Variants in BCL10 observed in about 807,000 individuals in gnomAD.
BCL10 encodes BCL10 immune signaling adaptor, also known as B-cell lymphoma/leukemia 10.
Under a neutral mutation model 19.2 loss-of-function variants are expected in BCL10, and 5 were observed. That is an observed-to-expected ratio of 0.26 (90% CI 0.14 to 0.55). The LOEUF is 0.55. Ranked by LOEUF, BCL10 falls within the 20% of genes least tolerant of loss-of-function variation. The pLI, the probability that BCL10 is intolerant of heterozygous loss-of-function variation, is 0.94. For synonymous variants in BCL10, 110 were observed against 98.8 expected (o/e 1.11, Z -0.67); for missense variants, 201 against 271.9 (o/e 0.74, Z 1.83).
rs1177822426 is a variant in BCL10, at chr1:85,276,557, C to T, written c.-205G>A. 2 of 606,692 alleles carry T rather than the reference C, an allele frequency of 3.3e-6. No homozygotes were observed. The highest frequency in any genetic ancestry group is 5.8e-6 in the Non-Finnish European group (2 of 343,910). 37.6% of individuals were successfully genotyped at this position (606,692 alleles called of 1,614,324 possible). On this transcript the variant is annotated 5_prime_UTR_variant, in exon 1 of 3. Coordinates refer to ENST00000648566, the MANE Select transcript of BCL10 (RefSeq NM_003921.5). ...CCGGCCCCGCCTCTGAGGTCGACGG[C>T]GACGCGAATCTACGCGACGCGACGC...
rs2100743931 is a variant in BCL10 at position 85,267,973 on chromosome 1, C to T, written c.356G>A (p.Cys119Tyr). ...ATCTGGAAAAGGTTCACAACTGCTA[C>T]ATTTTAGTCCTACAATAAAATTATT... is the stretch of plus-strand genomic sequence containing the variant. ...IKLEHLKGLK[C>Y]SSCEPFPDGA... is the part of the protein sequence containing the mutation. The change falls in exon 3 of 3, where the codon TGT (cysteine) becomes TAT (tyrosine). Residue 119 changes from cysteine (C) to tyrosine (Y), a missense_variant. Physicochemically the swap from Cys to Tyr is radical, Grantham distance 194. Transcript: ENST00000648566. 1 of 1,537,670 alleles carries T rather than the reference C, an allele frequency of 6.5e-7. No homozygotes were observed. Among genetic ancestry groups the T allele is most frequent in the South Asian group, 1.2e-5 (1 of 80,536 alleles).
intron 1 of BCL10, among the ~76,000 whole-genome samples, chr1:85,275,990 C>G (rs1660514810): frequency 6.6e-6 from 1 of 152,248 alleles, no homozygotes; most frequent in African/African-American, 2.4e-5. Context: ...GAAGCATCTC[C>G]AAGAACCCAG....
chr1:85,270,997 G>A, intron 1 of BCL10, 91 bp from the exon 2 acceptor site: 4 of 1,315,114 alleles, frequency 3.0e-6, no homozygotes, highest in Non-Finnish European at 4.2e-6. Flanking sequence ...GCTGGTGTGA[G>A]ACAATGTTCT....
In BCL10 at chr1:85,266,109, C is replaced by T. The variant is rs577075154; in HGVS notation, c.*1518G>A. The T allele has an allele frequency of 8.6e-5, 16 of 186,382 alleles. No homozygotes were observed. The South Asian group carries it at 2.4e-3, about 27-fold the overall frequency. 11.5% of individuals were successfully genotyped at this position (186,382 alleles called of 1,614,324 possible). A position where few individuals can be genotyped will look rare whatever the true frequency, so the allele number is the denominator to read the frequency against. On this transcript the variant is annotated 3_prime_UTR_variant, in exon 3 of 3. Transcript: ENST00000648566. ...GCTAATATGCCAATCTTCTTCATGT[C>T]GGATAAATTCATCAGTCCATCCAGA...
In BCL10 at chr1:85,276,283, C is replaced by T. The variant is rs199588735; in HGVS notation, c.57+13G>A. 34 of 1,612,700 alleles carry T rather than the reference C, an allele frequency of 2.1e-5. No individual in the cohort carries two copies. In the African/African-American group the frequency reaches 2.8e-4, roughly 13 times the overall value. ...CCGCCCCCGCCCGCCCTGGGCACAGCTGCGTTACTCACGTCCTTCTTCACT... is the reference window on the plus strand; with the variant it reads ...CCGCCCCCGCCCGCCCTGGGCACAGTTGCGTTACTCACGTCCTTCTTCACT... On this transcript the variant is annotated intron_variant, in intron 1 of 2. Transcript: ENST00000648566.
At chr1:85,268,016 GTAAC>G (rs1660252946) in intron 2 of BCL10, 34 bp from the exon 3 acceptor site, 5 of 1,396,934 alleles carry the variant, frequency 3.6e-6, no homozygotes, top group Non-Finnish European at 4.8e-6. Flanking sequence ...AAATGAAAAA[GTAAC>G]TAAAAAAATG....
chr1:85,266,368 C>G lies in BCL10; in HGVS notation c.*1259G>C, dbSNP rs1046841714. ...GATAAAATTGTAATTTAAATAAAAA[C>G]AAACAGTGAGAGCATAAGATTTATA... On this transcript the variant is annotated 3_prime_UTR_variant, in exon 3 of 3. Coordinates refer to ENST00000648566, the MANE Select transcript of BCL10 (RefSeq NM_003921.5). The G allele has an allele frequency of 2.7e-5, 5 of 186,650 alleles. No homozygotes were observed. Among genetic ancestry groups the G allele is most frequent in the Non-Finnish European group, 4.5e-5 (4 of 88,372 alleles). 11.6% of individuals were successfully genotyped at this position (186,650 alleles called of 1,614,324 possible). A position where few individuals can be genotyped will look rare whatever the true frequency, so the allele number is the denominator to read the frequency against.
At position 85,266,358 on chromosome 1, in the gene BCL10, T is replaced by C. The variant is rs149343651; in HGVS notation, c.*1269A>G. The C allele has an allele frequency of 2.3e-4, 43 of 186,248 alleles. No homozygotes were observed. In the East Asian group the frequency reaches 3.7e-3, roughly 16 times the overall value. 11.5% of individuals were successfully genotyped at this position (186,248 alleles called of 1,614,324 possible). ...TCAGGAAACAGATAAAATTGTAATT[T>C]AAATAAAAACAAACAGTGAGAGCAT... On this transcript the variant is annotated 3_prime_UTR_variant, in exon 3 of 3. Transcript: ENST00000648566.
intron 2 of BCL10, among the ~76,000 whole-genome samples, chr1:85,269,336 T>C (rs1265363269): frequency 2.0e-5 from 3 of 152,248 alleles, no homozygotes; most frequent in African/African-American, 4.8e-5. Context: ...TAGTTAACCA[T>C]TATCCAGAGG....
Position 85,276,609 on chromosome 1 carries a change from C to G in BCL10, c.-257G>C. Reference sequence around the variant, plus strand: ...GAGCTCGGAGCAGCGTTCCTTCCCTCTCGTAGAGGCTCAGGCGCAGGCACC... The same window carrying G: ...GAGCTCGGAGCAGCGTTCCTTCCCTGTCGTAGAGGCTCAGGCGCAGGCACC... On this transcript the variant is annotated 5_prime_UTR_variant, in exon 1 of 3. Coordinates refer to ENST00000648566, the MANE Select transcript of BCL10 (RefSeq NM_003921.5). 5 of 569,844 alleles carry G rather than the reference C, an allele frequency of 8.8e-6. No individual in the cohort carries two copies. Among genetic ancestry groups the G allele is most frequent in the Non-Finnish European group, 1.3e-5 (4 of 318,446 alleles). 35.3% of individuals were successfully genotyped at this position (569,844 alleles called of 1,614,324 possible). A position where few individuals can be genotyped will look rare whatever the true frequency, so the allele number is the denominator to read the frequency against.
Position 85,273,652 on chromosome 1 carries a change from C to G in BCL10, c.57+2644G>C, listed in dbSNP as rs60242105. Among the ~76,000 whole-genome samples, 167 of 152,312 alleles carry G rather than the reference C, an allele frequency of 1.1e-3. 3 individuals are homozygous for G. The East Asian group carries it at 0.029, about 26-fold the overall frequency. The stretch of plus-strand genomic sequence containing the variant: ...CATCCTCTTCCTCAACTCCCATGTT[C>G]AATCCATCACCAGGTCATATCATTT... On this transcript the variant is annotated intron_variant, in intron 1 of 2. Transcript: ENST00000648566.
chr1:85,266,217 T>G lies in BCL10; in HGVS notation c.*1410A>C, dbSNP rs1467395340. 5.3e-6 allele frequency: 1 copy of G among 187,652 alleles called. No homozygotes were observed. The highest frequency in any genetic ancestry group is 1.1e-5 in the Non-Finnish European group (1 of 88,882). The allele number at this position is 187,652 out of a possible 1,614,324, so 11.6% of individuals were successfully genotyped here. ...AAAAAAAGTTTTAGATACTTCCTAC[T>G]GAAAATTTGGAACTCCAAAATAGCA... On this transcript the variant is annotated 3_prime_UTR_variant, in exon 3 of 3. Coordinates refer to ENST00000648566, the MANE Select transcript of BCL10 (RefSeq NM_003921.5).
intron 2 of BCL10, 98 bp downstream of exon 2, chr1:85,270,520 T>C: frequency 9.1e-7 from 1 of 1,095,578 alleles, no homozygotes. Flanking sequence ...GCAATCCTCC[T>C]GCCTTGGCCT....
chr1:85,268,768 CAA>C (rs57560275), intron 2 of BCL10, among the ~76,000 whole-genome samples: 76 of 67,058 alleles, frequency 1.1e-3, no homozygotes, highest in Non-Finnish European at 1.6e-3. Flanking sequence ...GACTCCGTCT[CAA>C]AAAAAAAAAA....
intron 1 of BCL10, among the ~76,000 whole-genome samples, chr1:85,274,628 G>C (rs867242136): frequency 1.6e-4 from 24 of 152,176 alleles, no homozygotes; most frequent in Admixed American, 1.6e-3. Context: ...GAAAAGGATA[G>C]TAAAAGTTCA....
Position 85,270,551 on chromosome 1 carries a change from C to T in BCL10, c.346+67G>A, listed in dbSNP as rs891179815. 6 of 1,450,158 alleles carry T rather than the reference C, an allele frequency of 4.1e-6. No individual in the cohort carries two copies. The Admixed American group carries it at 9.4e-5, about 23-fold the overall frequency. 89.8% of individuals were successfully genotyped at this position (1,450,158 alleles called of 1,614,324 possible). A position where few individuals can be genotyped will look rare whatever the true frequency, so the allele number is the denominator to read the frequency against. On this transcript the variant is annotated intron_variant, in intron 2 of 2. Transcript: ENST00000648566. Reference sequence around the variant, plus strand: ...GGCCTCCTAAAGTGCAGGCACCTGGCCTGCTCTGCATTTTTTAAAAGCATT... The same window carrying T: ...GGCCTCCTAAAGTGCAGGCACCTGGTCTGCTCTGCATTTTTTAAAAGCATT...
chr1:85,266,187 G>A lies in BCL10; in HGVS notation c.*1440C>T, dbSNP rs967375265. 1.1e-5 allele frequency: 2 copies of A among 186,694 alleles called. No individual in the cohort carries two copies. Among genetic ancestry groups the A allele is most frequent in the Non-Finnish European group, 1.1e-5 (1 of 88,516 alleles). 11.6% of individuals were successfully genotyped at this position (186,694 alleles called of 1,614,324 possible). On this transcript the variant is annotated 3_prime_UTR_variant, in exon 3 of 3. Coordinates refer to ENST00000648566, the MANE Select transcript of BCL10 (RefSeq NM_003921.5). ...TAATGTTTTCTATAGATAATGGCAC[G>A]TATTAAAAAAAGTTTTAGATACTTC...
Position 85,266,256 on chromosome 1 carries a change from A to C in BCL10, c.*1371T>G, listed in dbSNP as rs1660186619. 5.4e-6 allele frequency: 1 copy of C among 186,334 alleles called. No homozygotes were observed. The highest frequency in any genetic ancestry group is 6.2e-5 in the Admixed American group (1 of 16,160). 11.5% of individuals were successfully genotyped at this position (186,334 alleles called of 1,614,324 possible). A position where few individuals can be genotyped will look rare whatever the true frequency, so the allele number is the denominator to read the frequency against. On this transcript the variant is annotated 3_prime_UTR_variant, in exon 3 of 3. Coordinates refer to ENST00000648566, the MANE Select transcript of BCL10 (RefSeq NM_003921.5). ...TCCAAAATAGCACTCACTACTTTAA[A>C]AAAATTTTATTGTTGATAGCAAAAT...
chr1:85,273,334 A>T (rs1413472969), intron 1 of BCL10, among the ~76,000 whole-genome samples: 1 of 152,166 alleles, frequency 6.6e-6, no homozygotes, highest in Non-Finnish European at 1.5e-5. Flanking sequence ...CCTCCCTGAA[A>T]CAAGAAAATT....
Sources: gnomAD v4.1 joint callset for allele counts (sites outside exome capture counted in the v4.1 genomes callset) on GRCh38, gnomAD v4.1.1 for gene constraint, MANE v1.5 for transcripts, NCBI Gene and HGNC (gene_info 2026-07-23, HGNC 2026-07-21) for gene names.